ST18: variants seen among roughly 807,000 people sequenced by gnomAD.
ST18 encodes suppression of tumorigenicity 18 protein.
A neutral mutation model predicts 110.0 loss-of-function variants in ST18; 50 were observed. The ratio of observed to expected loss-of-function variants is 0.45; its 90% confidence interval spans 0.36 to 0.58. The LOEUF is 0.58. Among genes scored for constraint, ST18 ranks in the 20% least tolerant of loss-of-function variants. The pLI, the probability that ST18 is intolerant of heterozygous loss-of-function variation, is 0.00. For missense variants in ST18, 1,306 were observed against 1,280.1 expected (o/e 1.02, Z -0.31); for synonymous variants, 461 against 452.4 (o/e 1.02, Z -0.24).
intron 2 of ST18, among the ~76,000 whole-genome samples, chr8:52,267,766 C>T (rs1449349119): frequency 6.6e-6 from 1 of 152,196 alleles, no homozygotes; most frequent in Non-Finnish European, 1.5e-5. Flanking sequence ...CACACTTCAC[C>T]TGGGAATCCA....
At chr8:52,202,440 C>T (rs2078329568) in intron 8 of ST18, among the ~76,000 whole-genome samples, 1 of 152,036 alleles carries the variant, frequency 6.6e-6, no homozygotes, top group South Asian at 2.1e-4. Flanking sequence ...ATAGGTTTTT[C>T]CTTTTTTTAT....
intron 4 of ST18, among the ~76,000 whole-genome samples, chr8:52,221,334 C>T (rs943160859): frequency 6.6e-6 from 1 of 152,162 alleles, no homozygotes; most frequent in South Asian, 2.1e-4. Context: ...TTTAACGAGA[C>T]CATCATAACA....
At position 52,113,238 on chromosome 8, in the gene ST18, A is replaced by G; in HGVS notation, c.3104T>C (p.Leu1035Pro). The stretch of plus-strand genomic sequence containing the variant: ...CTTCACTGCCTGTTTGATACTTTCC[A>G]GTAGAGCTTTGCATTCCGGGGAATA... ...RDYSPECKAL[L>P]ESIKQAVKGI... The change falls in exon 26 of 26, where the codon CTG (leucine) becomes CCG (proline). Residue 1035 changes from leucine (L) to proline (P), a missense_variant. Leu to Pro is a moderately conservative substitution (Grantham distance 98). Transcript: ENST00000689386. 1 of 1,614,140 alleles carries G rather than the reference A, an allele frequency of 6.2e-7. No homozygotes were observed. Among genetic ancestry groups the G allele is most frequent in the African/African-American group, 1.3e-5 (1 of 75,058 alleles).
rs184305022 is a variant in ST18 at position 52,401,941 on chromosome 8, A to G, written c.-465+7387T>C. On this transcript the variant is annotated intron_variant, in intron 2 of 25. Coordinates refer to ENST00000689386, the MANE Select transcript of ST18 (RefSeq NM_001352837.2). ...TTCTAATTTTATAGAGGGCTTTCAT[A>G]GGGAAAGACTTTCGCCTGTAGATGA... 5.9e-5 allele frequency among the ~76,000 whole-genome samples: 9 copies of G among 152,276 alleles called. 1 individual carries two copies. Among genetic ancestry groups the G allele is most frequent in the Non-Finnish European group, 1.3e-4 (9 of 68,014 alleles).
At chr8:52,171,311 C>T (rs78192120) in intron 10 of ST18, among the ~76,000 whole-genome samples, 3,766 of 152,232 alleles carry the variant, frequency 0.025, 126 homozygotes, top group South Asian at 0.13. Flanking sequence ...GTATGAGCCC[C>T]GAGTTAGAAA....
At chr8:52,217,615 G>A (rs556166934) in intron 6 of ST18, 131 bp downstream of exon 6, 1 of 152,226 alleles carries the variant, frequency 6.6e-6, no homozygotes, top group East Asian at 1.9e-4. Flanking sequence ...AAACTTGGAG[G>A]AAAACATGCA....
chr8:52,396,285 T>C (rs1295714422), intron 2 of ST18, among the ~76,000 whole-genome samples: 2 of 152,134 alleles, frequency 1.3e-5, no homozygotes, highest in Non-Finnish European at 2.9e-5. Context: ...CATCTCCCCA[T>C]TTCCTCCCCC....
intron 2 of ST18, among the ~76,000 whole-genome samples, chr8:52,389,033 G>A (rs1006861601): frequency 7.9e-5 from 12 of 151,818 alleles, no homozygotes; most frequent in Non-Finnish European, 1.5e-4. Flanking sequence ...GAGAAGGGCA[G>A]ACCAGGGCCC....
intron 2 of ST18, among the ~76,000 whole-genome samples, chr8:52,379,824 T>C (rs1032408981): frequency 6.6e-6 from 1 of 152,174 alleles, no homozygotes; most frequent in African/African-American, 2.4e-5. Flanking sequence ...AAATCATAAC[T>C]GCCTAAGATT....
chr8:52,347,998 T>C (rs1818503701), intron 2 of ST18, among the ~76,000 whole-genome samples: 1 of 152,162 alleles, frequency 6.6e-6, no homozygotes, highest in South Asian at 2.1e-4. Flanking sequence ...TTTTTTTCAT[T>C]TTACAGATGA....
intron 2 of ST18, among the ~76,000 whole-genome samples, chr8:52,354,666 A>C (rs1430494635): frequency 6.6e-6 from 1 of 152,168 alleles, no homozygotes; most frequent in Non-Finnish European, 1.5e-5. Context: ...TTTTGTAAGG[A>C]AAGGGGAAAG....
intron 2 of ST18, among the ~76,000 whole-genome samples, chr8:52,396,977 C>T (rs1259083024): frequency 2.0e-5 from 3 of 152,166 alleles, no homozygotes. Flanking sequence ...ATTTTAAGTT[C>T]ATCTCCTTTG....
At chr8:52,376,838 A>G (rs1832587649) in intron 2 of ST18, among the ~76,000 whole-genome samples, 1 of 152,208 alleles carries the variant, frequency 6.6e-6, no homozygotes, top group Non-Finnish European at 1.5e-5. Flanking sequence ...GTAATACATG[A>G]ATGCCTTTTG....
chr8:52,399,307 T>C (rs778792740), intron 2 of ST18, among the ~76,000 whole-genome samples: 3 of 152,060 alleles, frequency 2.0e-5, no homozygotes, highest in African/African-American at 7.2e-5. Flanking sequence ...AGTGATTTTA[T>C]TTGTTTGAGT....
At chr8:52,396,402 A>G (rs1024327422) in intron 2 of ST18, among the ~76,000 whole-genome samples, 5 of 152,190 alleles carry the variant, frequency 3.3e-5, no homozygotes, top group African/African-American at 4.8e-5. Context: ...TTCACTTAGC[A>G]TAATGTCCTC....
At chr8:52,365,354 C>T (rs1440556381) in intron 2 of ST18, among the ~76,000 whole-genome samples, 1 of 151,996 alleles carries the variant, frequency 6.6e-6, no homozygotes, top group Non-Finnish European at 1.5e-5. Context: ...ATGGCTAAAT[C>T]GTCTCACACT....
intron 23 of ST18, among the ~76,000 whole-genome samples, chr8:52,120,806 A>C (rs2044431473): frequency 6.6e-6 from 1 of 152,132 alleles, no homozygotes; most frequent in Non-Finnish European, 1.5e-5. Flanking sequence ...ACCCATGAGG[A>C]GATGATTGCT....
intron 16 of ST18, among the ~76,000 whole-genome samples, chr8:52,144,441 C>T (rs1173924383): frequency 1.3e-5 from 2 of 151,908 alleles, no homozygotes; most frequent in East Asian, 1.9e-4. Flanking sequence ...TGGATTTTCC[C>T]AGCCAAAGAA....
intron 2 of ST18, among the ~76,000 whole-genome samples, chr8:52,341,078 C>G (rs889402125): frequency 6.6e-6 from 1 of 152,156 alleles, no homozygotes; most frequent in Non-Finnish European, 1.5e-5. Flanking sequence ...CTAACTGCAA[C>G]CCCCCTAATC....
Sources: allele counts gnomAD v4.1 joint callset (sites outside exome capture counted in the v4.1 genomes callset), GRCh38; gene constraint gnomAD v4.1.1; transcripts MANE v1.5; gene names NCBI Gene and HGNC (gene_info 2026-07-23, HGNC 2026-07-21).